Variants in INTS6 observed in about 807,000 individuals in gnomAD.
INTS6 encodes DEAD box protein.
A neutral mutation model predicts 104.9 loss-of-function variants in INTS6; 16 were observed. That is an observed-to-expected ratio of 0.15 (90% CI 0.10 to 0.23). The LOEUF (loss-of-function observed/expected upper bound fraction) is 0.23, where lower values mean the gene tolerates loss of function less well. INTS6 is among the 10% of genes least tolerant of loss of function. INTS6 has a pLI of 1.00. For synonymous variants in INTS6, 324 were observed against 358.7 expected (o/e 0.90, Z 1.09); for missense variants, 584 against 1,062.8 (o/e 0.55, Z 6.26).
At position 51,452,620 on chromosome 13, in the gene INTS6, CG is replaced by C; in HGVS notation, c.-96del. 3 of 1,531,502 alleles carry C rather than the reference CG, an allele frequency of 2.0e-6. No homozygotes were observed. The highest frequency in any genetic ancestry group is 1.1e-5 in the South Asian group (1 of 87,196). 94.9% of individuals were successfully genotyped at this position (1,531,502 alleles called of 1,614,324 possible). A position where few individuals can be genotyped will look rare whatever the true frequency, so the allele number is the denominator to read the frequency against. ...TGGCGGCGACCGCCGCTACGCGGGG[CG>C]GGGGAGCACGGCCCCCGGGAGGAAA... On this transcript the variant is annotated 5_prime_UTR_variant, in exon 1 of 18. Transcript: ENST00000311234. This position sits in a 1 kb window ranked among gnomAD's most constrained non-coding sequence, Gnocchi z 4.2.
intron 3 of INTS6, among the ~76,000 whole-genome samples, chr13:51,431,200 T>G (rs1957084446): frequency 6.6e-6 from 1 of 152,204 alleles, no homozygotes; most frequent in South Asian, 2.1e-4. Context: ...GGCTCCCATT[T>G]GAAGGACTGA....
chr13:51,369,428 T>C, intron 15 of INTS6, 118 bp from the exon 16 acceptor site: 1 of 983,170 alleles, frequency 1.0e-6, no homozygotes, highest in Non-Finnish European at 1.5e-6. Context: ...TAATGCAAGT[T>C]AACAAATAAT....
chr13:51,381,997 G>C, intron 10 of INTS6, 32 bp downstream of exon 10: 1 of 1,488,110 alleles, frequency 6.7e-7, no homozygotes, highest in Non-Finnish European at 9.3e-7. Flanking sequence ...CACTGCGCCC[G>C]GCCAACAAGT....
chr13:51,387,261 T>A, intron 7 of INTS6, 125 bp downstream of exon 7: 2 of 734,288 alleles, frequency 2.7e-6, no homozygotes, highest in Non-Finnish European at 4.1e-6. Flanking sequence ...TAACAGGGTA[T>A]CATAGCACTT....
intron 3 of INTS6, among the ~76,000 whole-genome samples, chr13:51,432,728 T>C (rs1320255473): frequency 1.3e-5 from 2 of 152,202 alleles, no homozygotes. Flanking sequence ...ATTCAACGCA[T>C]AACAACTCAT....
At chr13:51,380,179 A>G (rs1030131245) in intron 10 of INTS6, among the ~76,000 whole-genome samples, 1 of 152,150 alleles carries the variant, frequency 6.6e-6, no homozygotes, top group Non-Finnish European at 1.5e-5. Flanking sequence ...GAGCTGAAAA[A>G]AAGCTCTGAA....
downstream of INTS6, among the ~76,000 whole-genome samples, chr13:51,349,437 T>C (rs1452963660): frequency 3.9e-5 from 6 of 152,182 alleles, no homozygotes; most frequent in African/African-American, 1.4e-4. Context: ...AAATACTGGA[T>C]ATTTCAACAG....
chr13:51,431,556 C>G (rs1173735455), intron 3 of INTS6, among the ~76,000 whole-genome samples: 1 of 152,134 alleles, frequency 6.6e-6, no homozygotes, highest in Non-Finnish European at 1.5e-5. Context: ...TTACAACTCT[C>G]AATTCCTAAC....
At chr13:51,369,387 T>C (rs1450521714) in intron 15 of INTS6, 77 bp from the exon 16 acceptor site, 10 of 1,391,618 alleles carry the variant, frequency 7.2e-6, no homozygotes, top group East Asian at 2.3e-5. Flanking sequence ...CAAAAGAACA[T>C]TACTACAGCA....
intron 4 of INTS6, among the ~76,000 whole-genome samples, chr13:51,396,063 G>A (rs2137969419): frequency 6.6e-6 from 1 of 152,146 alleles, no homozygotes; most frequent in South Asian, 2.1e-4. Context: ...CTCTCAAAGT[G>A]CTGGATTACA....
chr13:51,338,436 T>C, the INTS6 span, among the ~76,000 whole-genome samples: 2 of 137,248 alleles, frequency 1.5e-5, no homozygotes, highest in Non-Finnish European at 3.1e-5. Flanking sequence ...ATTTGTTGGA[T>C]GGATGGATAG....
Position 51,365,422 on chromosome 13 carries a change from G to A in INTS6, c.*330C>T, listed in dbSNP as rs1955666413. ...TTTTTGGCAAAGTTCAACCTTAACAGAGGTGACAATTTTAAAGGTTGGTTT... is the reference window on the plus strand; with the variant it reads ...TTTTTGGCAAAGTTCAACCTTAACAAAGGTGACAATTTTAAAGGTTGGTTT... On this transcript the variant is annotated 3_prime_UTR_variant, in exon 18 of 18. Coordinates refer to ENST00000311234, the MANE Select transcript of INTS6 (RefSeq NM_012141.3). The A allele has an allele frequency of 1.9e-5, 3 of 162,082 alleles. No homozygotes were observed. The highest frequency in any genetic ancestry group is 4.0e-5 in the Non-Finnish European group (3 of 74,744). The allele number at this position is 162,082 out of a possible 1,614,324, so 10.0% of individuals were successfully genotyped here.
At chr13:51,394,077 T>C (rs1387227642) in intron 5 of INTS6, among the ~76,000 whole-genome samples, 1 of 151,378 alleles carries the variant, frequency 6.6e-6, no homozygotes, top group Non-Finnish European at 1.5e-5. Flanking sequence ...AGTTCAAAGC[T>C]GGAAACTAAA....
chr13:51,334,811 G>A, the INTS6 span, among the ~76,000 whole-genome samples: 7 of 151,648 alleles, frequency 4.6e-5, no homozygotes, highest in Admixed American at 6.6e-5. Context: ...GTGAAACCCC[G>A]TCTCTACTAA....
intron 15 of INTS6, 39 bp downstream of exon 15, chr13:51,374,169 A>G (rs941750574): frequency 6.6e-7 from 1 of 1,517,226 alleles, no homozygotes; most frequent in Non-Finnish European, 9.1e-7. Context: ...AAGGAACCAA[A>G]AGGCAGCAAA....
intron 15 of INTS6, among the ~76,000 whole-genome samples, chr13:51,369,818 T>C (rs569934749): frequency 6.6e-6 from 1 of 152,304 alleles, no homozygotes; most frequent in East Asian, 1.9e-4. Context: ...AGGTAATGTT[T>C]TACAGTATAC....
At chr13:51,434,297 T>C (rs1321637869) in intron 3 of INTS6, among the ~76,000 whole-genome samples, 1 of 152,154 alleles carries the variant, frequency 6.6e-6, no homozygotes, top group East Asian at 1.9e-4. Flanking sequence ...CAAAACACAA[T>C]ATATACTAAT....
the INTS6 span, chr13:51,335,907 T>A: frequency 6.6e-6 from 1 of 152,048 alleles, no homozygotes; most frequent in African/African-American, 2.4e-5. Flanking sequence ...AAAACAACAA[T>A]GTATCTTTTT....
At chr13:51,422,628 C>T (rs1187853805) in intron 4 of INTS6, among the ~76,000 whole-genome samples, 1 of 152,126 alleles carries the variant, frequency 6.6e-6, no homozygotes, top group Admixed American at 6.6e-5. Context: ...ATCTTACCAC[C>T]CTCCAGTCTA....
Sources: gnomAD v4.1 joint callset for allele counts (sites outside exome capture counted in the v4.1 genomes callset) on GRCh38, gnomAD v4.1.1 for gene constraint, Gnocchi (gnomAD v3.1) non-coding constraint, MANE v1.5 for transcripts, NCBI Gene and HGNC (gene_info 2026-07-23, HGNC 2026-07-21) for gene names.